ST3GAL5: variants seen among roughly 807,000 people sequenced by gnomAD.
ST3GAL5 encodes the protein ST3 beta-galactoside alpha-2,3-sialyltransferase 5.
Under a neutral mutation model 46.1 loss-of-function variants are expected in ST3GAL5, and 25 were observed. The observed-to-expected ratio is 0.54, with a 90% CI of 0.40 to 0.76. The LOEUF is 0.76. ST3GAL5 is among the 30% of genes least tolerant of loss of function. ST3GAL5 has a pLI of 0.00. For synonymous variants in ST3GAL5, 182 were observed against 192.7 expected (o/e 0.94, Z 0.46); for missense variants, 431 against 521.2 (o/e 0.83, Z 1.69).
intron 5 of ST3GAL5, chr2:85,845,395 A>C (rs1057295263): frequency 6.6e-6 from 1 of 152,238 alleles, no homozygotes; most frequent in African/African-American, 2.4e-5. Flanking sequence ...CCATCTAAGT[A>C]AGTCTAATTT....
chr2:85,841,861 G>C (rs1682149686), intron 6 of ST3GAL5, among the ~76,000 whole-genome samples: 1 of 152,122 alleles, frequency 6.6e-6, no homozygotes, highest in African/African-American at 2.4e-5. Flanking sequence ...CAGTACACAG[G>C]ACAGGGAGGA....
At chr2:85,859,171 C>T (rs967430093) in intron 3 of ST3GAL5, among the ~76,000 whole-genome samples, 4 of 152,158 alleles carry the variant, frequency 2.6e-5, no homozygotes, top group Admixed American at 6.5e-5. Flanking sequence ...TACAGGAGAG[C>T]GCACCTCTCT....
At position 85,847,324 on chromosome 2, in the gene ST3GAL5, T is replaced by C. The variant is rs1682915092; in HGVS notation, c.662+537A>G. The C allele has an allele frequency of 5.1e-6, 5 of 979,918 alleles. No homozygotes were observed. The East Asian group carries it at 5.5e-4, about 108-fold the overall frequency. The allele number at this position is 979,918 out of a possible 1,614,324, so 60.7% of individuals were successfully genotyped here. On this transcript the variant is annotated intron_variant, in intron 4 of 6. Coordinates refer to ENST00000638572, the MANE Select transcript of ST3GAL5 (RefSeq NM_003896.4). ...TGGGAGTTGTGGTCCTTTGCTGTTT[T>C]ACTTGAATCTACCCACCTTCCAAAT...
chr2:85,870,104 T>A, intron 1 of ST3GAL5: 1 of 437,410 alleles, frequency 2.3e-6, no homozygotes. Context: ...CCTGTATGCA[T>A]GCTTTCTTTT....
At chr2:85,841,100 G>C (rs1327491920) in intron 6 of ST3GAL5, among the ~76,000 whole-genome samples, 2 of 151,152 alleles carry the variant, frequency 1.3e-5, no homozygotes, top group Non-Finnish European at 2.9e-5. Flanking sequence ...CTCTGGGAGA[G>C]GTGGCCACAG....
In ST3GAL5 at chr2:85,840,206, A is replaced by G. The variant is rs950495632; in HGVS notation, c.1195T>C (p.Leu399=). The G allele has an allele frequency of 1.2e-6, 2 of 1,614,088 alleles. No individual in the cohort carries two copies. The highest frequency in any genetic ancestry group is 2.7e-5 in the African/African-American group (2 of 74,920). Residue 399 remains leucine, a synonymous_variant, in exon 7 of 7, where the codon TTA becomes CTA. Transcript: ENST00000638572. ...ACCACTCCCTCTTTGACCAGCTTTAAGAGGAACTTGGTTTCCGTTGTCACA... is the reference window on the plus strand; with the variant it reads ...ACCACTCCCTCTTTGACCAGCTTTAGGAGGAACTTGGTTTCCGTTGTCACA... ...HNVTTETKFL[L]KLVKEGVVKD...
Position 85,852,922 on chromosome 2 carries a change from G to A in ST3GAL5, c.319-4718C>T, listed in dbSNP as rs1301329527. ...CAGCACTAAGGAGAGAAAAGACTCG[G>A]TTTGAAGATGCTGGTGCCTGGGCTC... On this transcript the variant is annotated intron_variant, in intron 3 of 6. Coordinates refer to ENST00000638572, the MANE Select transcript of ST3GAL5 (RefSeq NM_003896.4). The A allele has an allele frequency of 3.8e-6, 5 of 1,301,860 alleles. No individual in the cohort carries two copies. The African/African-American group carries it at 7.8e-5, about 20-fold the overall frequency. 80.6% of individuals were successfully genotyped at this position (1,301,860 alleles called of 1,614,324 possible).
At chr2:85,847,701 G>A (rs967226353) in intron 4 of ST3GAL5, 160 bp downstream of exon 4, 43 of 1,306,914 alleles carry the variant, frequency 3.3e-5, no homozygotes, top group Admixed American at 1.9e-4. Flanking sequence ...AGGCTGTGGT[G>A]GGAGGATCTC....
At chr2:85,851,811 G>C (rs998122828) in intron 3 of ST3GAL5, 31 of 919,952 alleles carry the variant, frequency 3.4e-5, no homozygotes, top group Non-Finnish European at 4.3e-5. Context: ...TCCAGATGAG[G>C]CTCACTGGAA....
chr2:85,840,968 G>GAAAAAAAAAAA, intron 6 of ST3GAL5, among the ~76,000 whole-genome samples: 1 of 106,980 alleles, frequency 9.3e-6, no homozygotes, highest in Non-Finnish European at 2.0e-5. Context: ...AAAAAAAAAG[G>GAAAAAAAAAAA]CATTCCTTCT....
chr2:85,874,770 A>G (rs949181782), intron 1 of ST3GAL5, among the ~76,000 whole-genome samples: 3 of 151,534 alleles, frequency 2.0e-5, no homozygotes, highest in Middle Eastern at 3.4e-3. Context: ...AGAGTGAATG[A>G]ACAGAAGAAT....
At chr2:85,855,045 CA>C (rs774090278) in intron 3 of ST3GAL5, 2 of 152,296 alleles carry the variant, frequency 1.3e-5, no homozygotes, top group Non-Finnish European at 2.9e-5. Context: ...AACTGGAGAA[CA>C]ACATGCAAAA....
At chr2:85,861,345 T>C (rs974519541) in intron 2 of ST3GAL5, 53 bp from the exon 3 acceptor site, 4 of 1,187,872 alleles carry the variant, frequency 3.4e-6, no homozygotes, top group African/African-American at 1.5e-5. Context: ...AATCATGAGA[T>C]GCAATGTGAA....
chr2:85,838,845 G>C lies in ST3GAL5; in HGVS notation c.*1299C>G, dbSNP rs892813502. On this transcript the variant is annotated 3_prime_UTR_variant, in exon 7 of 7. Coordinates refer to ENST00000638572, the MANE Select transcript of ST3GAL5 (RefSeq NM_003896.4). The stretch of plus-strand genomic sequence containing the variant: ...CCACAGAGTGGAGAACAGCGATGGC[G>C]GCAGCCGAGTCTGGGGCAGGCTGGG... The C allele has an allele frequency of 3.9e-5, 6 of 152,328 alleles. No homozygotes were observed. Among genetic ancestry groups the C allele is most frequent in the African/African-American group, 1.4e-4 (6 of 41,440 alleles). 9.4% of individuals were successfully genotyped at this position (152,328 alleles called of 1,614,324 possible).
In ST3GAL5 at chr2:85,867,524, A is replaced by G. The variant is rs566756900; in HGVS notation, c.83-4039T>C. The G allele has an allele frequency of 1.1e-3, 849 of 776,656 alleles. 15 individuals carry two copies. In the South Asian group the frequency reaches 0.011, roughly 10 times the overall value. The allele number at this position is 776,656 out of a possible 1,614,324, so 48.1% of individuals were successfully genotyped here. On this transcript the variant is annotated intron_variant, in intron 1 of 6. Transcript: ENST00000638572. ...GGTATGTGCTCTGTGGTGGGCAGGC[A>G]TATGCAAACCCACCCCCAAAGGCCA...
chr2:85,843,450 T>C (rs1488192940), intron 6 of ST3GAL5, among the ~76,000 whole-genome samples: 2 of 152,244 alleles, frequency 1.3e-5, no homozygotes, highest in East Asian at 3.8e-4. Flanking sequence ...AAAATACTAT[T>C]GTGGCTCTAA....
chr2:85,884,781 C>T (rs758589022), intron 1 of ST3GAL5, among the ~76,000 whole-genome samples: 1 of 152,160 alleles, frequency 6.6e-6, no homozygotes, highest in Non-Finnish European at 1.5e-5. Context: ...AGAAACGACA[C>T]GTGTAACAGA....
rs1573560365 is a variant in ST3GAL5 at position 85,838,808 on chromosome 2, T to C, written c.*1336A>G. 6.6e-6 allele frequency: 1 copy of C among 152,310 alleles called. No individual in the cohort carries two copies. Among genetic ancestry groups the C allele is most frequent in the Non-Finnish European group, 1.5e-5 (1 of 68,240 alleles). 9.4% of individuals were successfully genotyped at this position (152,310 alleles called of 1,614,324 possible). A position where few individuals can be genotyped will look rare whatever the true frequency, so the allele number is the denominator to read the frequency against. ...GGAAAGTGGAGGCAGGTAGCATTAG[T>C]GACAAGAGCAGCCACAGAGTGGAGA... On this transcript the variant is annotated 3_prime_UTR_variant, in exon 7 of 7. Coordinates refer to ENST00000638572, the MANE Select transcript of ST3GAL5 (RefSeq NM_003896.4).
At chr2:85,882,787 C>T (rs1270235782) in intron 1 of ST3GAL5, among the ~76,000 whole-genome samples, 25 of 145,726 alleles carry the variant, frequency 1.7e-4, no homozygotes, top group Admixed American at 1.5e-3. Context: ...GAGCTGAGAT[C>T]GCACGCCATT....
Sources: gnomAD v4.1 joint callset for allele counts (sites outside exome capture counted in the v4.1 genomes callset) on GRCh38, gnomAD v4.1.1 for gene constraint, MANE v1.5 for transcripts, NCBI Gene and HGNC (gene_info 2026-07-23, HGNC 2026-07-21) for gene names.